COMMD1: variants seen among roughly 807,000 people sequenced by gnomAD.
COMMD1 encodes the protein COMM domain-containing protein 1.
In COMMD1, 10 loss-of-function variants were observed where a neutral mutation model predicts 17.2. The ratio of observed to expected loss-of-function variants is 0.58; its 90% CI spans 0.36 to 0.99. The LOEUF (loss-of-function observed/expected upper bound fraction) is 0.99, where lower values mean the gene tolerates loss of function less well. Ranked by LOEUF, COMMD1 falls within the 50% of genes least tolerant of loss-of-function variation. COMMD1 has a pLI of 0.01. For missense variants in COMMD1, 270 were observed against 231.8 expected, an observed-to-expected ratio of 1.17 and a Z score of -1.07; for synonymous variants, 97 against 91.6, an observed-to-expected ratio of 1.06 and a Z score of -0.34.
chr2:61,986,491 T>C (rs954377424), intron 1 of COMMD1, among the ~76,000 whole-genome samples: 2 of 151,746 alleles, frequency 1.3e-5, no homozygotes, highest in South Asian at 2.1e-4. Flanking sequence ...TCTGTTTACC[T>C]TATCTTTAAG....
chr2:62,030,563 T>A (rs1036554958), intron 2 of COMMD1, among the ~76,000 whole-genome samples: 1 of 152,182 alleles, frequency 6.6e-6, no homozygotes, highest in Admixed American at 6.5e-5. Context: ...AAATTGCCCC[T>A]ATTGGGAACT....
chr2:62,089,575 AC>A (rs1271919795), intron 2 of COMMD1, among the ~76,000 whole-genome samples: 1 of 152,054 alleles, frequency 6.6e-6, no homozygotes, highest in African/African-American at 2.4e-5. Flanking sequence ...GAGCCACTGC[AC>A]CTGGCCTGCA....
At chr2:61,942,222 G>A (rs1294416054) in intron 1 of COMMD1, among the ~76,000 whole-genome samples, 1 of 151,658 alleles carries the variant, frequency 6.6e-6, no homozygotes, top group Non-Finnish European at 1.5e-5. Context: ...TCCTGCCTCA[G>A]CCTCCCGAGT....
intron 2 of COMMD1, among the ~76,000 whole-genome samples, chr2:62,052,009 T>C (rs964016924): frequency 6.6e-6 from 1 of 152,218 alleles, no homozygotes; most frequent in Non-Finnish European, 1.5e-5. Flanking sequence ...AGAATTACCA[T>C]CCACTCTTTC....
At chr2:61,912,978 C>G (rs1195144399) in intron 1 of COMMD1, among the ~76,000 whole-genome samples, 3 of 152,132 alleles carry the variant, frequency 2.0e-5, no homozygotes, top group Non-Finnish European at 2.9e-5. Flanking sequence ...TGCTTGAGCC[C>G]AAGAACTCAA....
chr2:61,959,472 T>C (rs1671283323), intron 1 of COMMD1, among the ~76,000 whole-genome samples: 1 of 152,178 alleles, frequency 6.6e-6, no homozygotes, highest in African/African-American at 2.4e-5. Context: ...TTTTAAACCT[T>C]AGGGCAGGCA....
At chr2:62,033,007 T>C (rs893401047) in intron 2 of COMMD1, among the ~76,000 whole-genome samples, 8 of 152,206 alleles carry the variant, frequency 5.3e-5, no homozygotes, top group South Asian at 2.1e-4. Flanking sequence ...TGACCTCAGG[T>C]GATCTGCCCA....
At chr2:61,969,634 C>T (rs1671595298) in intron 1 of COMMD1, among the ~76,000 whole-genome samples, 1 of 152,106 alleles carries the variant, frequency 6.6e-6, no homozygotes, top group South Asian at 2.1e-4. Flanking sequence ...GCTTGTCAGT[C>T]TGTTTTCTTC....
chr2:62,131,861 TACACACACACACACACAA>T (rs1239382597), intron 2 of COMMD1, among the ~76,000 whole-genome samples: 1 of 143,880 alleles, frequency 7.0e-6, no homozygotes, highest in Non-Finnish European at 1.5e-5. Context: ...CATTTCTAAA[TACACACACACACACACAA>T]ACACACACAC....
chr2:62,069,529 G>A (rs1202844347), intron 2 of COMMD1: 1 of 152,136 alleles, frequency 6.6e-6, no homozygotes, highest in Non-Finnish European at 1.5e-5. Flanking sequence ...ACTCAGGTAG[G>A]ATATTAATTG....
intron 2 of COMMD1, among the ~76,000 whole-genome samples, chr2:62,044,279 A>G (rs1018920003): frequency 6.6e-6 from 1 of 152,214 alleles, no homozygotes; most frequent in Non-Finnish European, 1.5e-5. Context: ...TGGCTGTTTA[A>G]CAACTCTTCA....
intron 2 of COMMD1, among the ~76,000 whole-genome samples, chr2:62,130,768 G>T (rs1255973935): frequency 6.6e-6 from 1 of 152,168 alleles, no homozygotes; most frequent in Non-Finnish European, 1.5e-5. Flanking sequence ...TTTTGCAGAA[G>T]AATTGCTCAG....
At chr2:61,950,127 A>G (rs1322542077) in intron 1 of COMMD1, among the ~76,000 whole-genome samples, 1 of 152,196 alleles carries the variant, frequency 6.6e-6, no homozygotes, top group Non-Finnish European at 1.5e-5. Flanking sequence ...CCTTTTAGAA[A>G]AGGAAAGCAG....
At chr2:61,943,450 A>T (rs987821246) in intron 1 of COMMD1, among the ~76,000 whole-genome samples, 3 of 151,834 alleles carry the variant, frequency 2.0e-5, no homozygotes, top group Non-Finnish European at 2.9e-5. Flanking sequence ...TGTGGGTGGG[A>T]CTCCATAGTG....
intron 2 of COMMD1, among the ~76,000 whole-genome samples, chr2:62,056,689 G>C (rs1409654052): frequency 6.6e-6 from 1 of 152,176 alleles, no homozygotes; most frequent in African/African-American, 2.4e-5. Context: ...GCTGGTGCAT[G>C]ATCACCAATC....
At chr2:62,062,629 A>G (rs1296420109) in intron 2 of COMMD1, among the ~76,000 whole-genome samples, 1 of 152,192 alleles carries the variant, frequency 6.6e-6, no homozygotes, top group African/African-American at 2.4e-5. Context: ...AAACCCTGAG[A>G]CGAGTGAAAA....
chr2:62,128,911 C>T (rs1672955058), intron 2 of COMMD1, among the ~76,000 whole-genome samples: 2 of 150,646 alleles, frequency 1.3e-5, no homozygotes, highest in African/African-American at 4.9e-5. Flanking sequence ...GAGATCACGC[C>T]ACTGCACTCC....
rs1310399211 is a variant in COMMD1, at chr2:62,135,921, C to T, written c.553C>T (p.Leu185=). The part of the protein sequence containing the change: ...LSEVEESIST[L]ISQPN ...AGAGGTAGAAGAAAGTATCAGCACA[C>T]TGATCAGCCAGCCTAACTGAAGATG... Residue 185 remains leucine, a synonymous_variant, in exon 3 of 3, where the codon CTG becomes TTG. Transcript: ENST00000311832. 6.3e-7 allele frequency: 1 copy of T among 1,589,768 alleles called. No homozygotes were observed. Among genetic ancestry groups the T allele is most frequent in the East Asian group, 2.2e-5 (1 of 44,736 alleles).
chr2:62,123,430 G>A (rs779842141), intron 2 of COMMD1, among the ~76,000 whole-genome samples: 8 of 151,132 alleles, frequency 5.3e-5, no homozygotes, highest in East Asian at 3.9e-4. Flanking sequence ...GCTGGAACCC[G>A]GGAGGCGGAG....
Sources: gnomAD v4.1 joint callset for allele counts (sites outside exome capture counted in the v4.1 genomes callset) on GRCh38, gnomAD v4.1.1 for gene constraint, MANE v1.5 for transcripts, NCBI Gene and HGNC (gene_info 2026-07-23, HGNC 2026-07-21) for gene names.